The following SLC4A7 variants were observed in gnomAD, a reference collection of about 807,000 sequenced individuals.
SLC4A7 encodes the protein sodium bicarbonate cotransporter 3.
In SLC4A7, 51 loss-of-function variants were observed where a neutral mutation model predicts 137.6. That is an observed-to-expected ratio of 0.37 (90% CI 0.30 to 0.47). The LOEUF is 0.47. SLC4A7 is among the 20% of genes least tolerant of loss of function. The pLI is 1.00. For synonymous variants in SLC4A7, 542 were observed against 518.6 expected, an observed-to-expected ratio of 1.05 and a Z score of -0.61; for missense variants, 1,247 against 1,525.4, an observed-to-expected ratio of 0.82 and a Z score of 3.04.
chr3:27,441,555 C>G (rs552493097), intron 3 of SLC4A7, among the ~76,000 whole-genome samples: 1 of 152,032 alleles, frequency 6.6e-6, no homozygotes, highest in African/African-American at 2.4e-5. Context: ...TGTAGTCACA[C>G]AAGCATGGCT....
At position 27,375,216 on chromosome 3, in the gene SLC4A7, T is replaced by G. The variant is rs528549451; in HGVS notation, c.*1548A>C. The G allele has an allele frequency of 6.6e-6, 1 of 152,046 alleles. No individual in the cohort carries two copies. The highest frequency in any genetic ancestry group is 2.1e-4 in the South Asian group (1 of 4,834). 9.4% of individuals were successfully genotyped at this position (152,046 alleles called of 1,614,324 possible). On this transcript the variant is annotated 3_prime_UTR_variant, in exon 26 of 26. Coordinates refer to ENST00000454389, the MANE Select transcript of SLC4A7 (RefSeq NM_001321103.2). ...TCATGATCCTTTATTAGATTAATTA[T>G]GTATACCTTTGTAATTTAATTATAT... is the stretch of plus-strand genomic sequence containing the variant.
At chr3:27,443,008 G>A (rs1270927895) in intron 3 of SLC4A7, among the ~76,000 whole-genome samples, 1 of 150,536 alleles carries the variant, frequency 6.6e-6, no homozygotes, top group African/African-American at 2.4e-5. Context: ...CCACCGCGCT[G>A]GGCATTCTCT....
intron 1 of SLC4A7, among the ~76,000 whole-genome samples, chr3:27,458,185 C>T (rs1032647821): frequency 6.6e-6 from 1 of 152,082 alleles, no homozygotes; most frequent in Admixed American, 6.5e-5. Flanking sequence ...AATAAGATAA[C>T]TAGTTTTTAC....
chr3:27,409,216 T>C, intron 13 of SLC4A7, 140 bp downstream of exon 13: 1 of 595,594 alleles, frequency 1.7e-6, no homozygotes, highest in East Asian at 2.9e-5. Flanking sequence ...CAATTACCTT[T>C]GGGGAAAGTC....
At chr3:27,470,425 A>G (rs1017375745) in intron 1 of SLC4A7, among the ~76,000 whole-genome samples, 4 of 152,042 alleles carry the variant, frequency 2.6e-5, no homozygotes, top group African/African-American at 9.7e-5. Flanking sequence ...CTGTTAATTT[A>G]TAAGCCAAAT....
chr3:27,388,946 T>C (rs1319105740), intron 22 of SLC4A7, among the ~76,000 whole-genome samples: 2 of 152,166 alleles, frequency 1.3e-5, no homozygotes, highest in African/African-American at 2.4e-5. Context: ...TTCAAATTTA[T>C]TGATATTCAT....
intron 24 of SLC4A7, 58 bp from the exon 25 acceptor site, chr3:27,379,414 G>C: frequency 1.2e-6 from 1 of 849,016 alleles, no homozygotes; most frequent in Non-Finnish European, 1.9e-6. Context: ...CATTAATATT[G>C]TCATTCTTAT....
intron 17 of SLC4A7, 141 bp from the exon 18 acceptor site, chr3:27,397,938 CA>C: frequency 1.6e-6 from 1 of 622,804 alleles, no homozygotes; most frequent in Admixed American, 3.3e-5. Flanking sequence ...CAGTGAAACA[CA>C]TTTATATTTA....
intron 15 of SLC4A7, 111 bp downstream of exon 15, chr3:27,403,028 A>T: frequency 1.1e-6 from 1 of 938,738 alleles, no homozygotes; most frequent in Non-Finnish European, 1.6e-6. Context: ...ATGGCTAGTT[A>T]AGTAGTTATA....
chr3:27,438,773 G>A (rs898241924), intron 3 of SLC4A7, among the ~76,000 whole-genome samples: 2 of 151,976 alleles, frequency 1.3e-5, no homozygotes, highest in African/African-American at 4.8e-5. Flanking sequence ...AAGTTAAAGA[G>A]TGAAAAATAG....
Position 27,374,674 on chromosome 3 carries a change from G to A in SLC4A7, c.*2090C>T, listed in dbSNP as rs1432879207. The A allele has an allele frequency of 6.6e-6, 1 of 152,336 alleles. No individual in the cohort carries two copies. The highest frequency in any genetic ancestry group is 1.5e-5 in the Non-Finnish European group (1 of 67,880). The allele number at this position is 152,336 out of a possible 1,614,324, so 9.4% of individuals were successfully genotyped here. A position where few individuals can be genotyped will look rare whatever the true frequency, so the allele number is the denominator to read the frequency against. On this transcript the variant is annotated 3_prime_UTR_variant, in exon 26 of 26. Coordinates refer to ENST00000454389, the MANE Select transcript of SLC4A7 (RefSeq NM_001321103.2). Reference sequence around the variant, plus strand: ...TGCAAGTGACGGTTTTTCTGGCACTGGATAATTACTATACACAATTAAATA... The same window carrying A: ...TGCAAGTGACGGTTTTTCTGGCACTAGATAATTACTATACACAATTAAATA...
At chr3:27,464,628 G>A (rs1358189643) in intron 1 of SLC4A7, among the ~76,000 whole-genome samples, 2 of 152,090 alleles carry the variant, frequency 1.3e-5, no homozygotes, top group African/African-American at 4.8e-5. Context: ...GGGAGGCAGA[G>A]GTTGCAGTGA....
chr3:27,384,722 G>A (rs1213420123), intron 23 of SLC4A7, among the ~76,000 whole-genome samples: 1 of 152,048 alleles, frequency 6.6e-6, no homozygotes, highest in African/African-American at 2.4e-5. Flanking sequence ...CAGCACTGTG[G>A]GGGACCAAGG....
chr3:27,447,076 C>T (rs2057715695), intron 3 of SLC4A7, among the ~76,000 whole-genome samples: 3 of 147,754 alleles, frequency 2.0e-5, no homozygotes, highest in African/African-American at 5.0e-5. Context: ...TCAGTAGAGA[C>T]GGGGTTTCAC....
chr3:27,448,975 A>AAT (rs1283229526), intron 2 of SLC4A7, among the ~76,000 whole-genome samples, 178 bp from the exon 3 acceptor site: 1 of 152,246 alleles, frequency 6.6e-6, no homozygotes, highest in African/African-American at 2.4e-5. Context: ...GCCCAGGGCT[A>AAT]ATATCACTGA....
intron 19 of SLC4A7, 90 bp downstream of exon 19, chr3:27,394,864 T>C: frequency 6.5e-7 from 1 of 1,539,086 alleles, no homozygotes; most frequent in South Asian, 1.3e-5. Flanking sequence ...AAGCTAATTT[T>C]CATCTTACAT....
At chr3:27,447,039 C>T (rs1024593103) in intron 3 of SLC4A7, among the ~76,000 whole-genome samples, 5 of 150,904 alleles carry the variant, frequency 3.3e-5, no homozygotes, top group Non-Finnish European at 3.0e-5. Context: ...CCCATCACCA[C>T]AGCCAGCTAA....
rs554333535 is a variant in SLC4A7 at position 27,445,591 on chromosome 3, A to G, written c.289+3060T>C. Among the ~76,000 whole-genome samples the G allele has an allele frequency of 7.2e-5, 11 of 151,998 alleles. No individual in the cohort carries two copies. The South Asian group carries it at 2.3e-3, about 32-fold the overall frequency. ...TTATTAGATAAATGAATTCTGGGGA[A>G]CTAATAACGTACAACATGATGACTA... On this transcript the variant is annotated intron_variant, in intron 3 of 25. Coordinates refer to ENST00000454389, the MANE Select transcript of SLC4A7 (RefSeq NM_001321103.2).
chr3:27,445,871 G>A (rs1481766983), intron 3 of SLC4A7, among the ~76,000 whole-genome samples: 10 of 137,228 alleles, frequency 7.3e-5, no homozygotes, highest in Admixed American at 7.8e-5. Context: ...GGCAGAGGTT[G>A]CAGTGAGCTG....
Sources: gnomAD v4.1 joint callset for allele counts (sites outside exome capture counted in the v4.1 genomes callset) on GRCh38, gnomAD v4.1.1 for gene constraint, MANE v1.5 for transcripts, NCBI Gene and HGNC (gene_info 2026-07-23, HGNC 2026-07-21) for gene names.